The following SYNPR variants were observed in gnomAD, a reference collection of about 807,000 sequenced individuals.
The protein encoded by SYNPR is synaptoporin.
Under a neutral mutation model 32.9 loss-of-function variants are expected in SYNPR, and 23 were observed. That is an observed-to-expected ratio of 0.70 (90% CI 0.50 to 0.99). The LOEUF is 0.99. SYNPR is among the 50% of genes least tolerant of loss of function. The pLI is 0.00. For synonymous variants in SYNPR, 146 were observed against 135.9 expected, an observed-to-expected ratio of 1.07 and a Z score of -0.52; for missense variants, 318 against 349.3, an observed-to-expected ratio of 0.91 and a Z score of 0.71.
At chr3:63,569,653 G>T (rs1208954272) in intron 4 of SYNPR, among the ~76,000 whole-genome samples, 2 of 152,248 alleles carry the variant, frequency 1.3e-5, no homozygotes, top group Non-Finnish European at 2.9e-5. Flanking sequence ...GCATGAATTT[G>T]CATAGCCACG....
intron 2 of SYNPR, among the ~76,000 whole-genome samples, chr3:63,266,025 G>GA (rs149970001): frequency 0.024 from 3,704 of 152,182 alleles, 64 homozygotes; most frequent in Non-Finnish European, 0.037. Flanking sequence ...TTCTACAAGT[G>GA]AAAAAATTGA....
At chr3:63,493,340 A>G (rs1223144449) in intron 3 of SYNPR, among the ~76,000 whole-genome samples, 2 of 152,136 alleles carry the variant, frequency 1.3e-5, no homozygotes, top group Non-Finnish European at 2.9e-5. Context: ...ACATGAAACC[A>G]TCAGGGCTTG....
At chr3:63,525,892 C>T (rs994508400) in intron 3 of SYNPR, among the ~76,000 whole-genome samples, 1 of 152,182 alleles carries the variant, frequency 6.6e-6, no homozygotes. Context: ...GTACAGCCTG[C>T]AGAACCATGA....
chr3:63,570,839 C>T (rs2106846457), intron 4 of SYNPR, among the ~76,000 whole-genome samples: 1 of 152,174 alleles, frequency 6.6e-6, no homozygotes, highest in East Asian at 1.9e-4. Flanking sequence ...GCTATTGTCC[C>T]CTAAAGGCAG....
intron 2 of SYNPR, chr3:63,443,351 G>A: frequency 1.9e-6 from 3 of 1,540,266 alleles, no homozygotes; most frequent in Non-Finnish European, 2.6e-6. Context: ...AGGGACAAGT[G>A]GCTGGTGCTG....
In SYNPR at chr3:63,403,403, T is replaced by TAC. The variant is rs535121207; in HGVS notation, c.85-77415_85-77414dup. Among the ~76,000 whole-genome samples the TAC allele has an allele frequency of 3.2e-3, 475 of 149,856 alleles. 1 individual carries two copies. The highest frequency in any genetic ancestry group is 0.01 in the African/African-American group (418 of 40,686). On this transcript the variant is annotated intron_variant, in intron 2 of 5. Coordinates refer to ENST00000478300, the MANE Select transcript of SYNPR (RefSeq NM_001130003.2). ...ATATATATATGTACATACATATATATACACACACACACACATTCTCATACG... is the reference window on the plus strand; with the variant it reads ...ATATATATATGTACATACATATATATACACACACACACACACATTCTCATACG...
chr3:63,458,751 A>T (rs1215275840), intron 2 of SYNPR, among the ~76,000 whole-genome samples: 1 of 152,028 alleles, frequency 6.6e-6, no homozygotes, highest in African/African-American at 2.4e-5. Context: ...TATGAGTCCA[A>T]TCTTCTTACC....
chr3:63,380,502 G>A (rs1207130230), intron 2 of SYNPR, among the ~76,000 whole-genome samples: 1 of 152,142 alleles, frequency 6.6e-6, no homozygotes, highest in African/African-American at 2.4e-5. Flanking sequence ...AGAAGTGTAT[G>A]TTCATATCCT....
At chr3:63,383,196 A>G (rs1350165599) in intron 2 of SYNPR, among the ~76,000 whole-genome samples, 2 of 152,198 alleles carry the variant, frequency 1.3e-5, no homozygotes, top group Non-Finnish European at 2.9e-5. Context: ...TATTTCAGCC[A>G]TAATAAAAGA....
chr3:63,506,543 C>A (rs1256060865), intron 3 of SYNPR, among the ~76,000 whole-genome samples: 1 of 152,038 alleles, frequency 6.6e-6, no homozygotes, highest in African/African-American at 2.4e-5. Context: ...ATTTACTGGC[C>A]CCCTTTATGA....
At chr3:63,537,406 AT>A (rs1243802844) in intron 3 of SYNPR, among the ~76,000 whole-genome samples, 1 of 152,074 alleles carries the variant, frequency 6.6e-6, no homozygotes, top group East Asian at 1.9e-4. Flanking sequence ...TCAACGTTGA[AT>A]TGCATTTATC....
Position 63,555,030 on chromosome 3 carries a change from A to G in SYNPR, c.210-1513A>G, listed in dbSNP as rs547546892. On this transcript the variant is annotated intron_variant, in intron 3 of 5. Coordinates refer to ENST00000478300, the MANE Select transcript of SYNPR (RefSeq NM_001130003.2). Reference sequence around the variant, plus strand: ...CTCTCAGCCTGGACATTATTGGTGTATAGAAATGCTACTGATTTTTGTACC... The same window carrying G: ...CTCTCAGCCTGGACATTATTGGTGTGTAGAAATGCTACTGATTTTTGTACC... 1.6e-4 allele frequency among the ~76,000 whole-genome samples: 25 copies of G among 152,200 alleles called. 1 individual carries two copies. The South Asian group carries it at 5.2e-3, about 32-fold the overall frequency.
intron 2 of SYNPR, among the ~76,000 whole-genome samples, chr3:63,367,175 C>T (rs1431859852): frequency 6.6e-6 from 1 of 152,074 alleles, no homozygotes; most frequent in African/African-American, 2.4e-5. Context: ...TATCCAGGCC[C>T]ACTGGGGAAA....
intron 4 of SYNPR, among the ~76,000 whole-genome samples, chr3:63,604,817 C>G (rs9851094): frequency 0.13 from 19,590 of 152,036 alleles, 1,304 homozygotes; most frequent in African/African-American, 0.14. Flanking sequence ...CAAATTTTGC[C>G]ATGTGAAGTT....
chr3:63,581,478 C>G (rs575353132), intron 4 of SYNPR, among the ~76,000 whole-genome samples: 76 of 96,778 alleles, frequency 7.9e-4, no homozygotes, highest in Admixed American at 1.3e-3. Context: ...GTAAAGCAAA[C>G]AAACAAACAC....
intron 4 of SYNPR, among the ~76,000 whole-genome samples, chr3:63,591,441 C>G (rs544341423): frequency 5.0e-5 from 6 of 121,156 alleles, no homozygotes; most frequent in African/African-American, 2.0e-4. Flanking sequence ...TTTGACCCAG[C>G]CATCCCATTA....
chr3:63,354,400 G>C (rs549768861), intron 2 of SYNPR, among the ~76,000 whole-genome samples: 2 of 152,292 alleles, frequency 1.3e-5, no homozygotes, highest in Admixed American at 1.3e-4. Context: ...TGTGGGCAAA[G>C]CCTTTATAAT....
intron 2 of SYNPR, among the ~76,000 whole-genome samples, chr3:63,473,265 A>G (rs1407458725): frequency 6.6e-6 from 1 of 152,042 alleles, no homozygotes; most frequent in Non-Finnish European, 1.5e-5. Flanking sequence ...TATATACCAC[A>G]TATTCCCCTA....
At chr3:63,260,763 CT>C (rs1400778545) in intron 2 of SYNPR, among the ~76,000 whole-genome samples, 1 of 151,778 alleles carries the variant, frequency 6.6e-6, no homozygotes, top group Non-Finnish European at 1.5e-5. Flanking sequence ...GCAAAAGAAA[CT>C]ACCATCAGAG....
Sources: gnomAD v4.1 joint callset for allele counts (sites outside exome capture counted in the v4.1 genomes callset) on GRCh38, gnomAD v4.1.1 for gene constraint, MANE v1.5 for transcripts, NCBI Gene and HGNC (gene_info 2026-07-23, HGNC 2026-07-21) for gene names.